BLVRA: variants seen among roughly 807,000 people sequenced by gnomAD.
The protein encoded by BLVRA is biliverdin reductase A, also known as BVR A.
In BLVRA, 22 loss-of-function variants were observed where a neutral mutation model predicts 32.8. The observed-to-expected ratio is 0.67, with a 90% CI of 0.48 to 0.96. The LOEUF is 0.96. Ranked by LOEUF, BLVRA falls within the 40% of genes least tolerant of loss-of-function variation. BLVRA has a pLI of 0.00. For missense variants in BLVRA, 323 were observed against 358.1 expected (o/e 0.90, Z 0.79); for synonymous variants, 119 against 141.3 (o/e 0.84, Z 1.12).
At chr7:43,790,698 AGTCTTGCTCT>A in intron 3 of BLVRA, among the ~76,000 whole-genome samples, 1 of 152,122 alleles carries the variant, frequency 6.6e-6, no homozygotes, top group South Asian at 2.1e-4. Flanking sequence ...ATTTTTGAGG[AGTCTTGCTCT>A]GTCACCCAGG....
At chr7:43,801,775 A>G (rs1201123680) in intron 6 of BLVRA, among the ~76,000 whole-genome samples, 1 of 152,180 alleles carries the variant, frequency 6.6e-6, no homozygotes, top group Non-Finnish European at 1.5e-5. Context: ...GTCATGAGAC[A>G]GAGCTGGATT....
intron 1 of BLVRA, among the ~76,000 whole-genome samples, chr7:43,763,100 T>C (rs758982800): frequency 3.3e-5 from 5 of 152,166 alleles, no homozygotes; most frequent in Non-Finnish European, 7.3e-5. Flanking sequence ...AGACTTTTTA[T>C]AGAAGAGTGG....
chr7:43,766,919 C>T (rs947703602), intron 1 of BLVRA, among the ~76,000 whole-genome samples: 2 of 152,138 alleles, frequency 1.3e-5, no homozygotes, highest in South Asian at 2.1e-4. Context: ...ATCACTTGAA[C>T]CCAGGAGTTC....
At chr7:43,798,806 T>G (rs562442059) in intron 5 of BLVRA, among the ~76,000 whole-genome samples, 14 of 152,326 alleles carry the variant, frequency 9.2e-5, no homozygotes, top group African/African-American at 3.4e-4. Flanking sequence ...GATGTGTGTG[T>G]GTACTGTGGT....
chr7:43,796,558 A>G (rs1326974354), intron 5 of BLVRA, among the ~76,000 whole-genome samples: 2 of 152,232 alleles, frequency 1.3e-5, no homozygotes, highest in African/African-American at 4.8e-5. Flanking sequence ...AAATTCACTC[A>G]AATGGATTAA....
chr7:43,800,626 T>C, intron 6 of BLVRA, 54 bp downstream of exon 6: 3 of 1,478,700 alleles, frequency 2.0e-6, no homozygotes. Context: ...ACCAGCCAGA[T>C]TCTTTCCTGG....
intron 1 of BLVRA, among the ~76,000 whole-genome samples, chr7:43,765,885 A>G (rs1395259935): frequency 2.6e-5 from 4 of 152,240 alleles, no homozygotes; most frequent in South Asian, 2.1e-4. Context: ...TAAATATTCG[A>G]TAATGTAGAA....
chr7:43,791,450 C>G (rs1055325100), intron 4 of BLVRA, 82 bp downstream of exon 4: 7 of 1,508,292 alleles, frequency 4.6e-6, no homozygotes, highest in Non-Finnish European at 6.4e-6. Flanking sequence ...AAACACCCTG[C>G]AAAGGAGTCA....
chr7:43,784,467 G>A (rs982041814), intron 2 of BLVRA, among the ~76,000 whole-genome samples: 11 of 152,038 alleles, frequency 7.2e-5, no homozygotes, highest in African/African-American at 2.2e-4. Flanking sequence ...CCTTCAGAAC[G>A]CACCTTCAAG....
At chr7:43,772,953 T>A (rs1250555759) in intron 2 of BLVRA, among the ~76,000 whole-genome samples, 2 of 152,180 alleles carry the variant, frequency 1.3e-5, no homozygotes, top group Non-Finnish European at 2.9e-5. Context: ...CCTCTGAAAC[T>A]GCACACTCCT....
At chr7:43,778,272 T>A (rs1328946326) in intron 2 of BLVRA, among the ~76,000 whole-genome samples, 2 of 152,204 alleles carry the variant, frequency 1.3e-5, no homozygotes, top group African/African-American at 4.8e-5. Flanking sequence ...ATCTTTGTGG[T>A]TTTATCTACC....
chr7:43,798,226 A>AAAAAAAAAAAAAAAAAAAAAT (rs1563550433), intron 5 of BLVRA, among the ~76,000 whole-genome samples: 1 of 141,602 alleles, frequency 7.1e-6, no homozygotes, highest in Non-Finnish European at 1.5e-5. Context: ...AAAAAAAAAA[A>AAAAAAAAAAAAAAAAAAAAAT]GGAAACGATG....
Position 43,803,775 on chromosome 7 carries a change from C to T in BLVRA, c.560C>T (p.Ser187Phe), listed in dbSNP as rs867045095. Residue 187 changes from serine (S) to phenylalanine (F), a missense_variant, in exon 7 of 8, where the codon TCT (serine) becomes TTT (phenylalanine). By Grantham distance (155) the Ser-to-Phe change is radical. Transcript: ENST00000265523. ...VSLFGELSLV[S>F]ATLEERKEDQ... ...CTCTTTGGGGAGCTTTCTCTTGTGT[C>T]TGCCACTTTGGAAGAGCGAAAGGAA... The T allele has an allele frequency of 6.2e-7, 1 of 1,614,136 alleles. No individual in the cohort carries two copies. The highest frequency in any genetic ancestry group is 2.2e-5 in the East Asian group (1 of 44,880).
chr7:43,762,910 C>G (rs2095743983), intron 1 of BLVRA, among the ~76,000 whole-genome samples: 2 of 152,100 alleles, frequency 1.3e-5, no homozygotes, highest in South Asian at 4.1e-4. Context: ...AGCCACCGTG[C>G]CCGGCCCTTA....
At chr7:43,806,882 C>G (rs1252996507) in intron 7 of BLVRA, 95 bp from the exon 8 acceptor site, 1 of 1,449,002 alleles carries the variant, frequency 6.9e-7, no homozygotes, top group Non-Finnish European at 9.7e-7. Context: ...GGGTGCCTGA[C>G]AAGGACATGT....
chr7:43,777,502 C>T (rs1445649889), intron 2 of BLVRA, among the ~76,000 whole-genome samples: 7 of 152,036 alleles, frequency 4.6e-5, no homozygotes, highest in African/African-American at 1.4e-4. Context: ...GAGTTTCTGC[C>T]GAGAGATCCG....
intron 2 of BLVRA, among the ~76,000 whole-genome samples, chr7:43,783,091 C>G (rs1349165325): frequency 6.6e-6 from 1 of 152,036 alleles, no homozygotes; most frequent in Non-Finnish European, 1.5e-5. Context: ...TCTCACCTTC[C>G]TAGAGCAGCC....
chr7:43,779,507 T>TA (rs2095766192), intron 2 of BLVRA, among the ~76,000 whole-genome samples: 2 of 152,254 alleles, frequency 1.3e-5, no homozygotes, highest in Non-Finnish European at 1.5e-5. Context: ...GTTCATAGTG[T>TA]AAAACTCAGG....
In BLVRA at chr7:43,770,647, C is replaced by T. The variant is rs367938695; in HGVS notation, c.-21-491C>T. On this transcript the variant is annotated intron_variant, in intron 1 of 7. Transcript: ENST00000265523. ...CTGCTCACCTGTTTGCCCCCTCCTTCGTCTTAATGCTGAGGGTCCGGAGCG... is the reference window on the plus strand; with the variant it reads ...CTGCTCACCTGTTTGCCCCCTCCTTTGTCTTAATGCTGAGGGTCCGGAGCG... Among the ~76,000 whole-genome samples the T allele has an allele frequency of 3.2e-4, 48 of 152,266 alleles. No homozygotes were observed. In the South Asian group the frequency reaches 8.5e-3, roughly 27 times the overall value.
Sources: allele counts gnomAD v4.1 joint callset (sites outside exome capture counted in the v4.1 genomes callset), GRCh38; gene constraint gnomAD v4.1.1; transcripts MANE v1.5; gene names NCBI Gene and HGNC (gene_info 2026-07-23, HGNC 2026-07-21).